NECAB1: variants seen among roughly 807,000 people sequenced by gnomAD.
The protein encoded by NECAB1 is N-terminal EF-hand calcium-binding protein 1.
In NECAB1, 29 loss-of-function variants were observed where a neutral mutation model predicts 57.5. The observed-to-expected ratio is 0.50, with a 90% confidence interval of 0.38 to 0.69. NECAB1 has a LOEUF of 0.69. Ranked by LOEUF, NECAB1 falls within the 30% of genes least tolerant of loss-of-function variation. NECAB1 has a pLI of 0.00. For synonymous variants in NECAB1, 142 were observed against 147.7 expected (o/e 0.96, Z 0.28); for missense variants, 372 against 413.8 (o/e 0.90, Z 0.88).
At chr8:90,928,321 T>C (rs1017484268) in intron 8 of NECAB1, 22 bp downstream of exon 8, 2 of 1,549,972 alleles carry the variant, frequency 1.3e-6, no homozygotes, top group Non-Finnish European at 1.8e-6. Flanking sequence ...CTTTTCTTTA[T>C]TCTCTCTTCC....
At chr8:90,879,143 C>T (rs188622257) in intron 4 of NECAB1, among the ~76,000 whole-genome samples, 51 of 136,882 alleles carry the variant, frequency 3.7e-4, no homozygotes, top group Middle Eastern at 4.1e-3. Flanking sequence ...ATATATATAT[C>T]GAGAGAGAGA....
At chr8:90,799,567 C>G (rs530943346) in intron 1 of NECAB1, among the ~76,000 whole-genome samples, 33 of 152,242 alleles carry the variant, frequency 2.2e-4, no homozygotes, top group Middle Eastern at 6.8e-3. Flanking sequence ...AATAGGGAAT[C>G]CTTTCCCCAT....
At chr8:90,861,275 T>C (rs1477025449) in intron 3 of NECAB1, among the ~76,000 whole-genome samples, 2 of 152,192 alleles carry the variant, frequency 1.3e-5, no homozygotes, top group Non-Finnish European at 2.9e-5. Context: ...TAGGGACTTC[T>C]GTCTCTCAAG....
chr8:90,801,408 C>T (rs1179912775), intron 1 of NECAB1, among the ~76,000 whole-genome samples: 1 of 152,058 alleles, frequency 6.6e-6, no homozygotes, highest in Non-Finnish European at 1.5e-5. Context: ...TTGGTTCTAT[C>T]CAAGTTGTTG....
intron 3 of NECAB1, among the ~76,000 whole-genome samples, chr8:90,869,971 T>C (rs1443983518): frequency 6.6e-6 from 1 of 152,126 alleles, no homozygotes; most frequent in East Asian, 1.9e-4. Context: ...TGGGACGTGA[T>C]TGGGTCATGG....
chr8:90,810,868 A>G (rs189058784), intron 2 of NECAB1, among the ~76,000 whole-genome samples: 13 of 152,294 alleles, frequency 8.5e-5, no homozygotes, highest in Admixed American at 3.3e-4. Context: ...TTCGGGGACA[A>G]CATTGTCCTC....
intron 4 of NECAB1, among the ~76,000 whole-genome samples, chr8:90,876,674 T>C (rs1267129209): frequency 2.6e-5 from 4 of 152,078 alleles, no homozygotes; most frequent in South Asian, 2.1e-4. Flanking sequence ...AATTTTTTGT[T>C]AGCATTTTAG....
In NECAB1 at chr8:90,921,429, G is replaced by A. The variant is rs1201426048; in HGVS notation, c.494+3801G>A. On this transcript the variant is annotated intron_variant, in intron 6 of 12. Transcript: ENST00000417640. ...CACACCTGTGATTCCTGCACTTTGG[G>A]AGGCCAAGGCAGGTGGATCACCTGA... 2.6e-5 allele frequency among the ~76,000 whole-genome samples: 4 copies of A among 151,760 alleles called. No individual in the cohort carries two copies. The East Asian group carries it at 5.9e-4, about 22-fold the overall frequency.
chr8:90,810,935 T>A (rs1811948093), intron 2 of NECAB1, among the ~76,000 whole-genome samples: 2 of 151,838 alleles, frequency 1.3e-5, no homozygotes, highest in African/African-American at 2.4e-5. Flanking sequence ...AATTGAATAT[T>A]TTTCTTTTCT....
chr8:90,879,876 T>C (rs1412732031), intron 4 of NECAB1, among the ~76,000 whole-genome samples: 3 of 152,216 alleles, frequency 2.0e-5, no homozygotes, highest in Non-Finnish European at 4.4e-5. Context: ...ACATTGTTTT[T>C]AAGGAATGCA....
intron 2 of NECAB1, among the ~76,000 whole-genome samples, chr8:90,824,444 G>C (rs1239102542): frequency 6.6e-6 from 1 of 151,708 alleles, no homozygotes; most frequent in Non-Finnish European, 1.5e-5. Context: ...CTGTTAAATG[G>C]TTCATTAAAT....
At chr8:90,848,116 G>T (rs1812603604) in intron 3 of NECAB1, among the ~76,000 whole-genome samples, 1 of 152,092 alleles carries the variant, frequency 6.6e-6, no homozygotes, top group Non-Finnish European at 1.5e-5. Flanking sequence ...TTGCTCCTTA[G>T]AAATTTCTCC....
At chr8:90,824,680 T>C in intron 2 of NECAB1, 37 bp from the exon 3 acceptor site, 1 of 1,338,532 alleles carries the variant, frequency 7.5e-7, no homozygotes, top group Non-Finnish European at 1.0e-6. Flanking sequence ...TGTACAAAAT[T>C]AAAATAATTT....
At chr8:90,864,448 C>G (rs1808471193) in intron 3 of NECAB1, among the ~76,000 whole-genome samples, 2 of 151,924 alleles carry the variant, frequency 1.3e-5, no homozygotes, top group Non-Finnish European at 2.9e-5. Context: ...AATGTATGTC[C>G]CATGTGAGGG....
chr8:90,849,808 C>T (rs1812649384), intron 3 of NECAB1, among the ~76,000 whole-genome samples: 1 of 150,240 alleles, frequency 6.7e-6, no homozygotes, highest in East Asian at 2.0e-4. Flanking sequence ...ATTCTCCTGC[C>T]TCAGCCTCCC....
In NECAB1 at chr8:90,956,283, G is replaced by A. The variant is rs1452127251; in HGVS notation, c.*771G>A. On this transcript the variant is annotated 3_prime_UTR_variant, in exon 13 of 13. Transcript: ENST00000417640. ...TCAAGTTTTATGCTATATAGTTTTGGTATGCGATACAGACAGCTAACTTTT... is the reference window on the plus strand; with the variant it reads ...TCAAGTTTTATGCTATATAGTTTTGATATGCGATACAGACAGCTAACTTTT... 6.6e-6 allele frequency: 1 copy of A among 151,878 alleles called. No homozygotes were observed. Among genetic ancestry groups the A allele is most frequent in the Non-Finnish European group, 1.5e-5 (1 of 67,894 alleles). The allele number at this position is 151,878 out of a possible 1,614,324, so 9.4% of individuals were successfully genotyped here. A position where few individuals can be genotyped will look rare whatever the true frequency, so the allele number is the denominator to read the frequency against.
chr8:90,880,932 T>C, intron 4 of NECAB1, 101 bp from the exon 5 acceptor site: 3 of 790,710 alleles, frequency 3.8e-6, no homozygotes, highest in South Asian at 1.7e-5. Context: ...ATAGCTGACA[T>C]TTTGTTTTAC....
chr8:90,951,723 T>C (rs1810926827), intron 12 of NECAB1, among the ~76,000 whole-genome samples: 1 of 151,582 alleles, frequency 6.6e-6, no homozygotes. Context: ...AAGTGCTTTC[T>C]GTCCAGCTTC....
intron 4 of NECAB1, among the ~76,000 whole-genome samples, chr8:90,876,447 A>G (rs1481702150): frequency 5.3e-5 from 8 of 152,056 alleles, no homozygotes; most frequent in African/African-American, 1.7e-4. Context: ...TGAGAAGTTT[A>G]GATGAGAGTC....
Sources: gnomAD v4.1 joint callset for allele counts (sites outside exome capture counted in the v4.1 genomes callset) on GRCh38, gnomAD v4.1.1 for gene constraint, MANE v1.5 for transcripts, NCBI Gene and HGNC (gene_info 2026-07-23, HGNC 2026-07-21) for gene names.